ZCWPW1: variants seen among roughly 807,000 people sequenced by gnomAD.
ZCWPW1 encodes zinc finger CW-type and PWWP domain containing 1.
Under a neutral mutation model 81.3 loss-of-function variants are expected in ZCWPW1, and 56 were observed. The ratio of observed to expected loss-of-function variants is 0.69; its 90% CI spans 0.56 to 0.86. The LOEUF is 0.86. Among genes scored for constraint, ZCWPW1 ranks in the 40% least tolerant of loss-of-function variants. The pLI is 0.00. For synonymous variants in ZCWPW1, 250 were observed against 273.7 expected, an observed-to-expected ratio of 0.91 and a Z score of 0.86; for missense variants, 650 against 769.8, an observed-to-expected ratio of 0.84 and a Z score of 1.84.
chr7:100,414,353 T>G (rs1459232262), intron 8 of ZCWPW1, among the ~76,000 whole-genome samples: 1 of 152,230 alleles, frequency 6.6e-6, no homozygotes, highest in African/African-American at 2.4e-5. Flanking sequence ...TCTGTCTTTT[T>G]GTATTATGTT....
rs1379043952 is a variant in ZCWPW1, at chr7:100,419,739, G to A, written c.173C>T (p.Ala58Val). The change falls in exon 4 of 18, where the codon GCC (alanine) becomes GTC (valine). Residue 58 changes from alanine to valine, a missense_variant. Physicochemically the swap from Ala to Val is moderately conservative, Grantham distance 64. Transcript: ENST00000684423. ...TTTTTCCTCTTTCTTCTTTAAACTGGCCTTTGGCAGGCTTATCCTGGCCTC... is the reference window on the plus strand; with the variant it reads ...TTTTTCCTCTTTCTTCTTTAAACTGACCTTTGGCAGGCTTATCCTGGCCTC... ...ETEARISLPKASLKKKEEKAT... is the reference protein window; with the variant it reads ...ETEARISLPKVSLKKKEEKAT... 6.2e-7 allele frequency: 1 copy of A among 1,613,986 alleles called. No individual in the cohort carries two copies. Among genetic ancestry groups the A allele is most frequent in the South Asian group, 1.1e-5 (1 of 91,072 alleles).
In ZCWPW1 at chr7:100,425,142, T is replaced by G. The variant is rs1240758131; in HGVS notation, c.-136-6A>C. On this transcript the variant is annotated splice_polypyrimidine_tract_variant and splice_region_variant and intron_variant, in intron 1 of 17. Coordinates refer to ENST00000684423, the MANE Select transcript of ZCWPW1 (RefSeq NM_001386010.1). ...ACAATAACAAATACTGAAAGCTGGT[T>G]CAGAGAGAGAGAGAAAAAAATATAG... is the stretch of plus-strand genomic sequence containing the variant. 1 of 152,136 alleles carries G rather than the reference T, an allele frequency of 6.6e-6. No individual in the cohort carries two copies. Among genetic ancestry groups the G allele is most frequent in the Admixed American group, 6.6e-5 (1 of 15,266 alleles). 9.4% of individuals were successfully genotyped at this position (152,136 alleles called of 1,614,324 possible).
In ZCWPW1 at chr7:100,401,314, A is replaced by G. The variant is rs769698008; in HGVS notation, c.1650T>C (p.Ala550=). The change falls in exon 18 of 18, where the codon GCT becomes GCC. Residue 550 remains alanine, a synonymous_variant. Transcript: ENST00000684423. The part of the protein sequence containing the change: ...DQPGPKKKFK[A]PQSKALAASF... ...TGGCTGCCAAGGCCTTGCTCTGGGG[A>G]GCTTTAAATTTTTTCTTAGGGCCTA... 6.4e-7 allele frequency: 1 copy of G among 1,557,680 alleles called. No homozygotes were observed. The highest frequency in any genetic ancestry group is 1.4e-5 in the African/African-American group (1 of 72,324).
chr7:100,403,278 C>T (rs1231739461), intron 15 of ZCWPW1, among the ~76,000 whole-genome samples: 8 of 150,892 alleles, frequency 5.3e-5, no homozygotes, highest in Admixed American at 1.3e-4. Context: ...TGCAGTGGCG[C>T]GATCTTGCCT....
chr7:100,417,522 A>AGG (rs1403501489), intron 5 of ZCWPW1: 5 of 185,262 alleles, frequency 2.7e-5, no homozygotes, highest in Non-Finnish European at 5.6e-5. Flanking sequence ...GTTCAAGACC[A>AGG]GCCTGGGCAA....
At chr7:100,404,053 T>C in intron 14 of ZCWPW1, 125 bp downstream of exon 14, 1 of 1,033,158 alleles carries the variant, frequency 9.7e-7, no homozygotes. Context: ...CACAAGAGCC[T>C]CCTATTAAAG....
intron 5 of ZCWPW1, among the ~76,000 whole-genome samples, chr7:100,418,187 CCTCA>C (rs1172548821): frequency 6.6e-6 from 1 of 152,052 alleles, no homozygotes; most frequent in Non-Finnish European, 1.5e-5. Context: ...ACCTGGCCTC[CCTCA>C]CTGCGTTCTT....
Position 100,419,893 on chromosome 7 carries a change from A to C in ZCWPW1, c.29-10T>G, listed in dbSNP as rs769869418. On this transcript the variant is annotated splice_polypyrimidine_tract_variant and intron_variant, in intron 3 of 17. Transcript: ENST00000684423. Reference sequence around the variant, plus strand: ...GGTCCCTTTCCACATTCTGAAAGAAATGTGATCAAGTGGAATTTATGAAAC... The same window carrying C: ...GGTCCCTTTCCACATTCTGAAAGAACTGTGATCAAGTGGAATTTATGAAAC... 2 of 1,557,258 alleles carry C rather than the reference A, an allele frequency of 1.3e-6. No homozygotes were observed. Among genetic ancestry groups the C allele is most frequent in the Admixed American group, 2.1e-5 (1 of 47,486 alleles).
chr7:100,410,197 A>G (rs1434966528), intron 8 of ZCWPW1, among the ~76,000 whole-genome samples: 1 of 152,142 alleles, frequency 6.6e-6, no homozygotes, highest in African/African-American at 2.4e-5. Flanking sequence ...CATGTCCCTC[A>G]GCCTCTCCTC....
At position 100,401,918 on chromosome 7, in the gene ZCWPW1, C is replaced by T; in HGVS notation, c.1598G>A (p.Gly533Asp). The T allele has an allele frequency of 6.2e-7, 1 of 1,613,902 alleles. No individual in the cohort carries two copies. Among genetic ancestry groups the T allele is most frequent in the South Asian group, 1.1e-5 (1 of 91,058 alleles). Residue 533 changes from glycine (G) to aspartate (D), a missense_variant, in exon 17 of 18, where the codon GGC (glycine) becomes GAC (aspartate). By Grantham distance (94) the Gly-to-Asp change is moderately conservative. Transcript: ENST00000684423. Reference sequence around the variant, plus strand: ...CTGGTCAGAATCTGAATTCCCTTGGCCTTCTTTCCTTCCCATTCTGGGTGC... The same window carrying T: ...CTGGTCAGAATCTGAATTCCCTTGGTCTTCTTTCCTTCCCATTCTGGGTGC... ...PPAPRMGRKE[G>D]QGNSDSDQPG...
intron 2 of ZCWPW1, among the ~76,000 whole-genome samples, chr7:100,422,906 A>G (rs538467558): frequency 4.6e-5 from 7 of 152,362 alleles, no homozygotes; most frequent in Admixed American, 3.9e-4. Flanking sequence ...TGCAAAGGAC[A>G]TGATCTTGTT....
At chr7:100,420,486 G>A (rs895928975) in intron 3 of ZCWPW1, 136 bp downstream of exon 3, 6 of 936,622 alleles carry the variant, frequency 6.4e-6, no homozygotes, top group Middle Eastern at 2.2e-4. Context: ...TTCACTCAAA[G>A]CATCTAGCAG....
intron 1 of ZCWPW1, among the ~76,000 whole-genome samples, chr7:100,427,838 C>T (rs917255612): frequency 6.6e-6 from 1 of 151,846 alleles, no homozygotes; most frequent in African/African-American, 2.4e-5. Context: ...TCAGGGATAG[C>T]GGTTCAAGTC....
intron 1 of ZCWPW1, among the ~76,000 whole-genome samples, chr7:100,428,189 C>G (rs11982656): frequency 0.029 from 4,455 of 152,254 alleles, 232 homozygotes; most frequent in African/African-American, 0.1. Context: ...AGGCGATGGG[C>G]GGAACCAGCT....
At chr7:100,420,946 T>A (rs1479266648) in intron 2 of ZCWPW1, among the ~76,000 whole-genome samples, 1 of 152,098 alleles carries the variant, frequency 6.6e-6, no homozygotes, top group African/African-American at 2.4e-5. Context: ...GCCCAGGAGT[T>A]CAAGACCAGC....
intron 15 of ZCWPW1, 117 bp from the exon 16 acceptor site, chr7:100,402,693 G>T: frequency 9.8e-7 from 1 of 1,024,504 alleles, no homozygotes; most frequent in Non-Finnish European, 1.5e-6. Flanking sequence ...TAGCTTCTGT[G>T]AGCCTGATAT....
chr7:100,422,290 G>T (rs1796497956), intron 2 of ZCWPW1, among the ~76,000 whole-genome samples: 1 of 152,172 alleles, frequency 6.6e-6, no homozygotes. Flanking sequence ...CCACCATTTT[G>T]CTATCACAGC....
chr7:100,428,114 G>A (rs1404448964), intron 1 of ZCWPW1, among the ~76,000 whole-genome samples: 2 of 152,178 alleles, frequency 1.3e-5, no homozygotes, highest in Non-Finnish European at 2.9e-5. Context: ...AGGACTGGCA[G>A]CGCCTAGCAC....
chr7:100,424,940 G>A (rs1378422259), intron 2 of ZCWPW1, 90 bp downstream of exon 2: 2 of 152,140 alleles, frequency 1.3e-5, no homozygotes, highest in African/African-American at 4.8e-5. Context: ...TTAATAAGAT[G>A]TAATAAATCT....
Sources: gnomAD v4.1 joint callset for allele counts (sites outside exome capture counted in the v4.1 genomes callset) on GRCh38, gnomAD v4.1.1 for gene constraint, MANE v1.5 for transcripts, NCBI Gene and HGNC (gene_info 2026-07-23, HGNC 2026-07-21) for gene names.